The following PRR5L variants were observed in gnomAD, a reference collection of about 807,000 sequenced individuals.
PRR5L encodes the protein proline rich 5 like.
A neutral mutation model predicts 36.4 loss-of-function variants in PRR5L; 21 were observed. The observed-to-expected ratio is 0.58, with a 90% CI of 0.41 to 0.83. The LOEUF (loss-of-function observed/expected upper bound fraction) is 0.83, where lower values mean the gene tolerates loss of function less well. PRR5L is among the 40% of genes least tolerant of loss of function. The pLI is 0.00. For synonymous variants in PRR5L, 188 were observed against 197.0 expected (o/e 0.95, Z 0.38); for missense variants, 381 against 473.3 (o/e 0.80, Z 1.81).
chr11:36,385,493 G>A (rs1409590197), intron 1 of PRR5L, among the ~76,000 whole-genome samples: 2 of 152,208 alleles, frequency 1.3e-5, no homozygotes, highest in Admixed American at 6.5e-5. Flanking sequence ...TCTGAATCCT[G>A]TGGACACTTA....
At chr11:36,420,035 C>A (rs1036576289) in intron 4 of PRR5L, among the ~76,000 whole-genome samples, 1 of 152,180 alleles carries the variant, frequency 6.6e-6, no homozygotes, top group Admixed American at 6.5e-5. Flanking sequence ...CAGGACCAAT[C>A]AGAGGATAGT....
chr11:36,420,343 G>A (rs1858237504), intron 4 of PRR5L, among the ~76,000 whole-genome samples: 1 of 152,178 alleles, frequency 6.6e-6, no homozygotes, highest in Non-Finnish European at 1.5e-5. Context: ...GGCAGTATAG[G>A]GTAGTGGTCA....
chr11:36,423,610 C>A (rs1289884818), intron 4 of PRR5L, among the ~76,000 whole-genome samples: 1 of 152,040 alleles, frequency 6.6e-6, no homozygotes, highest in Admixed American at 6.5e-5. Flanking sequence ...GCAGGACTCC[C>A]AAAATGGAAA....
chr11:36,380,879 G>A (rs536396610), intron 1 of PRR5L, among the ~76,000 whole-genome samples: 1 of 152,254 alleles, frequency 6.6e-6, no homozygotes, highest in East Asian at 1.9e-4. Context: ...TCGTTAAAAA[G>A]CAGAAGCTCA....
Position 36,398,561 on chromosome 11 carries a change from T to G in PRR5L, c.-125-2436T>G, listed in dbSNP as rs531163232. ...TCTCTTCAGCTGTCAGGATTGAGAG[T>G]GGCGGATTCGGGAGGAGAAAAATGA... On this transcript the variant is annotated intron_variant, in intron 1 of 8. Coordinates refer to ENST00000530639, the MANE Select transcript of PRR5L (RefSeq NM_001160167.2). The G allele has an allele frequency of 2.6e-5, 4 of 152,290 alleles. No homozygotes were observed. In the East Asian group the frequency reaches 7.7e-4, roughly 29 times the overall value. The allele number at this position is 152,290 out of a possible 1,614,324, so 9.4% of individuals were successfully genotyped here. A position where few individuals can be genotyped will look rare whatever the true frequency, so the allele number is the denominator to read the frequency against.
intron 1 of PRR5L, among the ~76,000 whole-genome samples, chr11:36,320,233 G>C (rs34855600): frequency 0.011 from 1,578 of 146,998 alleles, 18 homozygotes; most frequent in South Asian, 0.029. Context: ...GTGATGAACT[G>C]GGAATCTTTT....
chr11:36,369,126 G>A (rs1045913224), intron 1 of PRR5L, among the ~76,000 whole-genome samples: 2 of 152,194 alleles, frequency 1.3e-5, no homozygotes, highest in Admixed American at 6.5e-5. Flanking sequence ...ATAAAAGCAC[G>A]TGGTGATGAT....
At chr11:36,459,034 AGAG>A (rs1859123267) in intron 8 of PRR5L, among the ~76,000 whole-genome samples, 1 of 152,184 alleles carries the variant, frequency 6.6e-6, no homozygotes, top group South Asian at 2.1e-4. Context: ...GCTGAAAAGA[AGAG>A]GAGGCCCAGA....
At chr11:36,363,268 A>G (rs1435022890) in intron 1 of PRR5L, among the ~76,000 whole-genome samples, 1 of 152,228 alleles carries the variant, frequency 6.6e-6, no homozygotes, top group Non-Finnish European at 1.5e-5. Context: ...AAGTAAGCCC[A>G]ATTCTTTGCT....
At chr11:36,308,512 A>G (rs1856458197) in intron 1 of PRR5L, among the ~76,000 whole-genome samples, 1 of 152,184 alleles carries the variant, frequency 6.6e-6, no homozygotes, top group African/African-American at 2.4e-5. Flanking sequence ...AGGAAAGGTC[A>G]CTTTGGGATG....
chr11:36,441,360 C>T (rs1191523527), intron 6 of PRR5L, among the ~76,000 whole-genome samples: 1 of 152,222 alleles, frequency 6.6e-6, no homozygotes, highest in African/African-American at 2.4e-5. Context: ...AAGAAAGGGA[C>T]AGCAGGCCCC....
intron 1 of PRR5L, among the ~76,000 whole-genome samples, chr11:36,368,409 G>A (rs531731212): frequency 6.6e-6 from 1 of 152,314 alleles, no homozygotes; most frequent in South Asian, 2.1e-4. Flanking sequence ...CATGCCATGA[G>A]TGTGGGAGAG....
At chr11:36,456,376 T>C (rs1462814900) in intron 8 of PRR5L, among the ~76,000 whole-genome samples, 1 of 152,172 alleles carries the variant, frequency 6.6e-6, no homozygotes, top group African/African-American at 2.4e-5. Flanking sequence ...AGCTTGCTCG[T>C]TGAGAGCAGG....
chr11:36,451,922 C>G (rs573484850), intron 8 of PRR5L, among the ~76,000 whole-genome samples: 1 of 152,098 alleles, frequency 6.6e-6, no homozygotes, highest in Admixed American at 6.5e-5. Flanking sequence ...AGGCTCTGTA[C>G]CAGGCACCAT....
Position 36,464,637 on chromosome 11 carries a change from TTC to T in PRR5L, c.*1903_*1904del, listed in dbSNP as rs1162437500. The stretch of plus-strand genomic sequence containing the variant: ...CATGATAATTTATGTAACTGATAGC[TTC>T]TGTCCTTATTAGTACACTTAACATT... On this transcript the variant is annotated 3_prime_UTR_variant, in exon 9 of 9. Transcript: ENST00000530639. The T allele has an allele frequency of 6.6e-6, 1 of 152,236 alleles. No individual in the cohort carries two copies. The highest frequency in any genetic ancestry group is 1.5e-5 in the Non-Finnish European group (1 of 68,038). 9.4% of individuals were successfully genotyped at this position (152,236 alleles called of 1,614,324 possible).
chr11:36,301,292 G>A (rs1280793089), intron 1 of PRR5L, among the ~76,000 whole-genome samples: 1 of 152,206 alleles, frequency 6.6e-6, no homozygotes, highest in South Asian at 2.1e-4. Flanking sequence ...GTCTGAAGCA[G>A]AGTTGTGACC....
intron 1 of PRR5L, among the ~76,000 whole-genome samples, chr11:36,355,395 A>AC (rs1295926028): frequency 2.0e-5 from 3 of 152,200 alleles, no homozygotes. Flanking sequence ...TTGCACTTTC[A>AC]CCAAGACTCT....
At chr11:36,417,153 A>G (rs1457048640) in intron 3 of PRR5L, among the ~76,000 whole-genome samples, 2 of 152,338 alleles carry the variant, frequency 1.3e-5, no homozygotes, top group African/African-American at 4.8e-5. Context: ...TTAGTCCCTC[A>G]GCATCATGAG....
intron 3 of PRR5L, among the ~76,000 whole-genome samples, chr11:36,410,815 CAT>C (rs1227443787): frequency 2.0e-5 from 3 of 152,178 alleles, no homozygotes; most frequent in Admixed American, 6.5e-5. Context: ...CTCCTTGAAA[CAT>C]ATCCTATTGC....
Sources: allele counts gnomAD v4.1 joint callset (sites outside exome capture counted in the v4.1 genomes callset), GRCh38; gene constraint gnomAD v4.1.1; transcripts MANE v1.5; gene names NCBI Gene and HGNC (gene_info 2026-07-23, HGNC 2026-07-21).